Variants in RAB27B observed in about 807,000 individuals in gnomAD.
RAB27B encodes the protein RAB27B, member RAS oncogene family.
RAB27B carries 15 observed loss-of-function variants against 24.6 expected under a neutral mutation model. The ratio of observed to expected loss-of-function variants is 0.61; its 90% CI spans 0.41 to 0.94. The LOEUF is 0.94. Ranked by LOEUF, RAB27B falls within the 40% of genes least tolerant of loss-of-function variation. The probability of loss-of-function intolerance (pLI) is 0.00; values close to 1 mark genes in which losing one functional copy is unlikely to be tolerated. For missense variants in RAB27B, 261 were observed against 266.8 expected (o/e 0.98, Z 0.15); for synonymous variants, 105 against 92.5 (o/e 1.14, Z -0.78).
chr18:54,784,714 G>A (rs1909026410), intron 2 of RAB27B, among the ~76,000 whole-genome samples: 2 of 152,110 alleles, frequency 1.3e-5, no homozygotes, highest in Non-Finnish European at 2.9e-5. Flanking sequence ...CCAATCCACT[G>A]TCGATAGGCA....
chr18:54,836,772 G>A (rs900853854), intron 1 of RAB27B, among the ~76,000 whole-genome samples: 4 of 151,852 alleles, frequency 2.6e-5, no homozygotes, highest in African/African-American at 9.7e-5. Flanking sequence ...CAGTAAACAT[G>A]CATTGTGCAT....
At chr18:54,837,952 C>T (rs765684629) in intron 1 of RAB27B, among the ~76,000 whole-genome samples, 3 of 151,952 alleles carry the variant, frequency 2.0e-5, no homozygotes, top group African/African-American at 7.2e-5. Flanking sequence ...AATGACAAGT[C>T]GTGTCTCAAT....
chr18:54,844,122 T>C (rs1392892784), intron 1 of RAB27B, among the ~76,000 whole-genome samples: 2 of 152,162 alleles, frequency 1.3e-5, no homozygotes, highest in Non-Finnish European at 2.9e-5. Flanking sequence ...CATATAGATA[T>C]AGTTTTTCAA....
upstream of RAB27B, among the ~76,000 whole-genome samples, chr18:54,827,329 G>A (rs933081633): frequency 6.6e-6 from 1 of 152,200 alleles, no homozygotes; most frequent in African/African-American, 2.4e-5. Context: ...CTGATATGAA[G>A]TCAATTCTTC....
In RAB27B at chr18:54,889,377, T is replaced by C; in HGVS notation, c.621T>C (p.Asp207=). 1.2e-6 allele frequency: 2 copies of C among 1,613,110 alleles called. No individual in the cohort carries two copies. Among genetic ancestry groups the C allele is most frequent in the Non-Finnish European group, 1.7e-6 (2 of 1,179,350 alleles). The part of the protein sequence containing the change: ...TVNGGNSGNL[D]GEKPPEKKCI... ...ATGGTGGAAATTCTGGAAACTTGGA[T>C]GGGGAAAAGCCACCAGAGAAGAAAT... Residue 207 remains aspartate (D), a synonymous_variant, in exon 6 of 6, where the codon GAT becomes GAC. Transcript: ENST00000262094.
At chr18:54,810,263 A>C (rs1909920682) in intron 2 of RAB27B, among the ~76,000 whole-genome samples, 1 of 152,168 alleles carries the variant, frequency 6.6e-6, no homozygotes, top group South Asian at 2.1e-4. Flanking sequence ...TGTCATTTGT[A>C]TGCCTCCAAT....
intron 2 of RAB27B, among the ~76,000 whole-genome samples, chr18:54,744,409 C>T (rs73959267): frequency 0.05 from 7,562 of 152,240 alleles, 244 homozygotes; most frequent in Admixed American, 0.083. Context: ...TATATCTCAT[C>T]ATTAGCAATC....
At chr18:54,792,401 A>G (rs1336504190) in intron 2 of RAB27B, among the ~76,000 whole-genome samples, 1 of 152,220 alleles carries the variant, frequency 6.6e-6, no homozygotes, top group Non-Finnish European at 1.5e-5. Context: ...ATCTTAAAAA[A>G]AATCAGACTC....
intron 1 of RAB27B, among the ~76,000 whole-genome samples, chr18:54,862,074 A>G (rs911540808): frequency 7.9e-5 from 12 of 151,668 alleles, no homozygotes; most frequent in African/African-American, 2.7e-4. Context: ...AAAAAAAAGC[A>G]TGACTGCCTT....
chr18:54,723,090 C>T (rs1247350374), intron 2 of RAB27B, among the ~76,000 whole-genome samples: 3 of 152,106 alleles, frequency 2.0e-5, no homozygotes. Flanking sequence ...AATGGAATTC[C>T]CCTGAGTGGC....
chr18:54,774,206 A>G (rs995430304), intron 2 of RAB27B, among the ~76,000 whole-genome samples: 4 of 152,174 alleles, frequency 2.6e-5, no homozygotes, highest in African/African-American at 9.7e-5. Context: ...ATGTATTACT[A>G]TTCAGAAACA....
intron 2 of RAB27B, among the ~76,000 whole-genome samples, chr18:54,730,190 G>C (rs564557701): frequency 2.0e-5 from 3 of 152,140 alleles, no homozygotes; most frequent in African/African-American, 7.2e-5. Flanking sequence ...AGTCTGTCAC[G>C]TACATCACTG....
At chr18:54,880,081 G>C (rs1433058852) in intron 3 of RAB27B, 1 of 141,954 alleles carries the variant, frequency 7.0e-6, no homozygotes, top group Non-Finnish European at 1.5e-5. Flanking sequence ...CACCCTTAAG[G>C]TCTAAATAAT....
chr18:54,807,702 A>G (rs1294996739), intron 2 of RAB27B, among the ~76,000 whole-genome samples: 1 of 152,146 alleles, frequency 6.6e-6, no homozygotes, highest in Non-Finnish European at 1.5e-5. Context: ...TTCCTGTTGA[A>G]CATTCACTGG....
Position 54,893,423 on chromosome 18 carries a change from A to G in RAB27B, c.*4010A>G, listed in dbSNP as rs957873322. 8 of 150,844 alleles carry G rather than the reference A, an allele frequency of 5.3e-5. No individual in the cohort carries two copies. The highest frequency in any genetic ancestry group is 4.1e-4 in the South Asian group (2 of 4,832). The allele number at this position is 150,844 out of a possible 1,614,324, so 9.3% of individuals were successfully genotyped here. On this transcript the variant is annotated 3_prime_UTR_variant, in exon 6 of 6. Coordinates refer to ENST00000262094, the MANE Select transcript of RAB27B (RefSeq NM_004163.4). ...CTACCAAGCTTTAAGACATTAAAAG[A>G]AGTCTAGTGTATTTGAATATTTTAG... is the stretch of plus-strand genomic sequence containing the variant.
chr18:54,794,878 T>C (rs1909365445), intron 2 of RAB27B, among the ~76,000 whole-genome samples: 1 of 152,224 alleles, frequency 6.6e-6, no homozygotes, highest in Admixed American at 6.5e-5. Context: ...TCCTGTCATA[T>C]GATGCACAAA....
intron 2 of RAB27B, among the ~76,000 whole-genome samples, chr18:54,740,385 A>T (rs569994557): frequency 6.6e-6 from 1 of 152,328 alleles, no homozygotes; most frequent in South Asian, 2.1e-4. Flanking sequence ...CCTTACGTTG[A>T]ATAAACATTT....
intron 2 of RAB27B, among the ~76,000 whole-genome samples, chr18:54,752,671 A>G (rs2145034972): frequency 6.6e-6 from 1 of 152,358 alleles, no homozygotes; most frequent in South Asian, 2.1e-4. Context: ...TGACTGGAGC[A>G]GTAGGCAGCC....
chr18:54,778,175 T>C (rs925247261), intron 2 of RAB27B, among the ~76,000 whole-genome samples: 13 of 152,222 alleles, frequency 8.5e-5, no homozygotes, highest in Non-Finnish European at 1.5e-5. Context: ...ATAATCGCCA[T>C]TTCTTTCTCT....
Sources: gnomAD v4.1 joint callset for allele counts (sites outside exome capture counted in the v4.1 genomes callset) on GRCh38, gnomAD v4.1.1 for gene constraint, MANE v1.5 for transcripts, NCBI Gene and HGNC (gene_info 2026-07-23, HGNC 2026-07-21) for gene names.